The following RIF1 variants were observed in gnomAD, a reference collection of about 807,000 sequenced individuals.
The protein encoded by RIF1 is telomere-associated protein RIF1.
In RIF1, 45 loss-of-function variants were observed where a neutral mutation model predicts 247.1. The ratio of observed to expected loss-of-function variants is 0.18; its 90% confidence interval spans 0.14 to 0.23. The LOEUF (loss-of-function observed/expected upper bound fraction) is 0.23, where lower values mean the gene tolerates loss of function less well. Ranked by LOEUF, RIF1 falls within the 10% of genes least tolerant of loss-of-function variation. The probability of loss-of-function intolerance (pLI) is 1.00; values close to 1 mark genes in which losing one functional copy is unlikely to be tolerated. For missense variants in RIF1, 2,967 were observed against 2,862.5 expected (o/e 1.04, Z -0.83); for synonymous variants, 1,087 against 978.8 (o/e 1.11, Z -2.06).
Position 151,481,790 on chromosome 2 carries a change from T to C in RIF1, c.*6719T>C, listed in dbSNP as rs2049178536. On this transcript the variant is annotated 3_prime_UTR_variant, in exon 36 of 36. Transcript: ENST00000444746. Reference sequence around the variant, plus strand: ...ATTCTTACAGGAGCGTGAACCCTATTGTGAACTGCACATGCAAGAGATCTA... The same window carrying C: ...ATTCTTACAGGAGCGTGAACCCTATCGTGAACTGCACATGCAAGAGATCTA... 1 of 152,244 alleles carries C rather than the reference T, an allele frequency of 6.6e-6. No individual in the cohort carries two copies. The highest frequency in any genetic ancestry group is 1.9e-4 in the East Asian group (1 of 5,196). The allele number at this position is 152,244 out of a possible 1,614,324, so 9.4% of individuals were successfully genotyped here.
At chr2:151,421,819 A>G (rs1462444458) in intron 7 of RIF1, among the ~76,000 whole-genome samples, 2 of 151,870 alleles carry the variant, frequency 1.3e-5, no homozygotes, top group African/African-American at 4.8e-5. Flanking sequence ...GATGAATTCA[A>G]TTTTAGTGAC....
At position 151,465,820 on chromosome 2, in the gene RIF1, C is replaced by T. The variant is rs1383197246; in HGVS notation, c.6300C>T (p.Asn2100=). The change falls in exon 30 of 36, where the codon AAC becomes AAT. Residue 2100 remains asparagine, a synonymous_variant. Coordinates refer to ENST00000444746, the MANE Select transcript of RIF1 (RefSeq NM_018151.5). ...EYSKSEEKLD[N]NQMVMESDIL... is the part of the protein sequence containing the mutation. ...GTAAATCTGAAGAAAAATTAGATAACAATCAAATGGTAATGGAAAGTGATA... is the reference window on the plus strand; with the variant it reads ...GTAAATCTGAAGAAAAATTAGATAATAATCAAATGGTAATGGAAAGTGATA... The T allele has an allele frequency of 8.1e-6, 13 of 1,612,698 alleles. No individual in the cohort carries two copies. The highest frequency in any genetic ancestry group is 1.7e-5 in the Admixed American group (1 of 60,000).
intron 9 of RIF1, chr2:151,492,402 T>A (rs768912387): frequency 6.2e-7 from 1 of 1,605,794 alleles, no homozygotes; most frequent in Non-Finnish European, 8.5e-7. Context: ...AGATGTGCCG[T>A]TGGGTCTCCC....
the RIF1 span, among the ~76,000 whole-genome samples, chr2:151,517,856 G>A: frequency 6.6e-6 from 1 of 152,200 alleles, no homozygotes; most frequent in African/African-American, 2.4e-5. Context: ...CATACAGGTG[G>A]TCTGCTGTTG....
At chr2:151,452,461 CAAT>C (rs757909281) in intron 21 of RIF1, among the ~76,000 whole-genome samples, 19 of 152,124 alleles carry the variant, frequency 1.2e-4, no homozygotes, top group Non-Finnish European at 2.6e-4. Flanking sequence ...AATTATCTAA[CAAT>C]AAGATTTGCC....
In RIF1 at chr2:151,469,442, G is replaced by A. The variant is rs117913838; in HGVS notation, c.6942-269G>A. On this transcript the variant is annotated intron_variant, in intron 33 of 35. Transcript: ENST00000444746. ...TGATTAAAGTTGGGGAGGGGATTAT[G>A]TGTACTTAAGAATTATCTATTAATG... Among the ~76,000 whole-genome samples the A allele has an allele frequency of 6.6e-4, 101 of 152,252 alleles. 2 individuals are homozygous for A. The East Asian group carries it at 0.018, about 26-fold the overall frequency.
In RIF1 at chr2:151,476,598, T is replaced by G. The variant is rs1460371970; in HGVS notation, c.*1527T>G. 1 of 152,212 alleles carries G rather than the reference T, an allele frequency of 6.6e-6. No homozygotes were observed. The highest frequency in any genetic ancestry group is 1.5e-5 in the Non-Finnish European group (1 of 68,024). The allele number at this position is 152,212 out of a possible 1,614,324, so 9.4% of individuals were successfully genotyped here. ...AAGTTGGTGTCTTTTTTCATCATCA[T>G]AAATTCATCATAATCACAGATATTT... On this transcript the variant is annotated 3_prime_UTR_variant, in exon 36 of 36. Coordinates refer to ENST00000444746, the MANE Select transcript of RIF1 (RefSeq NM_018151.5).
the RIF1 span, among the ~76,000 whole-genome samples, chr2:151,513,400 A>G: frequency 1.3e-5 from 2 of 152,160 alleles, no homozygotes; most frequent in Non-Finnish European, 2.9e-5. Context: ...GGTAGACAGC[A>G]ATGAGCCTGG....
At position 151,464,949 on chromosome 2, in the gene RIF1, C is replaced by T. The variant is rs1479094040; in HGVS notation, c.5429C>T (p.Ser1810Leu). The change falls in exon 30 of 36, where the codon TCA becomes TTA. Residue 1810 changes from serine (S) to leucine (L), a missense_variant. Ser to Leu is a moderately radical substitution (Grantham distance 145). Coordinates refer to ENST00000444746, the MANE Select transcript of RIF1 (RefSeq NM_018151.5). ...LKEDNDTIND[S>L]LIVSETKSKE... Reference sequence around the variant, plus strand: ...GAGGATAATGATACTATTAATGATTCATTAATTGTTTCTGAAACCAAATCA... The same window carrying T: ...GAGGATAATGATACTATTAATGATTTATTAATTGTTTCTGAAACCAAATCA... 1.3e-6 allele frequency: 2 copies of T among 1,571,492 alleles called. No individual in the cohort carries two copies. The highest frequency in any genetic ancestry group is 1.7e-6 in the Non-Finnish European group (2 of 1,166,698).
chr2:151,467,064 A>C (rs1697030215), intron 30 of RIF1, among the ~76,000 whole-genome samples: 1 of 151,978 alleles, frequency 6.6e-6, no homozygotes, highest in African/African-American at 2.4e-5. Context: ...CCCCATCTCT[A>C]TTAAAAATAC....
At chr2:151,451,182 C>T (rs1302652793) in intron 20 of RIF1, among the ~76,000 whole-genome samples, 1 of 152,188 alleles carries the variant, frequency 6.6e-6, no homozygotes, top group Non-Finnish European at 1.5e-5. Context: ...GCTACATATC[C>T]TAAGCAGAAC....
At position 151,462,295 on chromosome 2, in the gene RIF1, T is replaced by A; in HGVS notation, c.3281T>A (p.Phe1094Tyr). Residue 1094 changes from phenylalanine to tyrosine, a missense_variant, in exon 28 of 36, where the codon TTT becomes TAT. Physicochemically the swap from Phe to Tyr is conservative, Grantham distance 22. This residue lies in a region of RIF1 where 2,028 missense variants were observed against 1,825.6 expected (regional missense o/e 1.11). Transcript: ENST00000444746. ...CTGGATGTTTCCCAAGATACCTTAT[T>A]TACTCAGTATAGTCAGGAAGAGCCT... ...NNLDVSQDTL[F>Y]TQYSQEEPME... 1 of 1,588,514 alleles carries A rather than the reference T, an allele frequency of 6.3e-7. No homozygotes were observed. Among genetic ancestry groups the A allele is most frequent in the East Asian group, 2.2e-5 (1 of 44,544 alleles).
intron 9 of RIF1, among the ~76,000 whole-genome samples, chr2:151,488,466 G>A (rs530237907): frequency 1.4e-5 from 2 of 147,812 alleles, no homozygotes; most frequent in African/African-American, 2.5e-5. Flanking sequence ...GGGCAACATA[G>A]TGAGCCTCTA....
chr2:151,423,746 T>G (rs1435255318), intron 8 of RIF1: 2 of 152,212 alleles, frequency 1.3e-5, no homozygotes, highest in African/African-American at 4.8e-5. Context: ...TGAGAGAGAA[T>G]CAACTGTATG....
At chr2:151,413,275 C>T (rs916263560) in intron 3 of RIF1, among the ~76,000 whole-genome samples, 4 of 151,988 alleles carry the variant, frequency 2.6e-5, no homozygotes, top group South Asian at 2.1e-4. Flanking sequence ...TCAGGTGATC[C>T]GCCCACCTTG....
intron 26 of RIF1, among the ~76,000 whole-genome samples, chr2:151,460,602 A>G (rs1695989878): frequency 6.6e-6 from 1 of 152,212 alleles, no homozygotes; most frequent in Non-Finnish European, 1.5e-5. Flanking sequence ...GACCTCCAGT[A>G]AAGGTTATTC....
chr2:151,449,748 A>AC (rs34519746), intron 20 of RIF1, among the ~76,000 whole-genome samples: 65,359 of 151,936 alleles, frequency 0.43, 14,042 homozygotes, highest in African/African-American at 0.46. Flanking sequence ...CTTTGTCTTT[A>AC]ATACATTGAA....
Position 151,498,255 on chromosome 2 carries a change from A to C in RIF1, c.*514-1090A>C, listed in dbSNP as rs932456139. On this transcript the variant is annotated intron_variant and NMD_transcript_variant, in intron 10 of 13. Coordinates refer to the RIF1 transcript ENST00000454583. ...GGCATTTTTTCCCCTTTCTTTCCAA[A>C]ATACCGAGCTAAGGTTTTCTTGATT... 3 of 1,551,224 alleles carry C rather than the reference A, an allele frequency of 1.9e-6. No homozygotes were observed. In the African/African-American group the frequency reaches 4.1e-5, roughly 21 times the overall value.
the RIF1 span, chr2:151,514,322 T>C: frequency 1.2e-6 from 2 of 1,606,168 alleles, no homozygotes; most frequent in Non-Finnish European, 1.7e-6. Context: ...GCCTACCTCA[T>C]TGAGGATTTG....
Sources: allele counts gnomAD v4.1 joint callset (sites outside exome capture counted in the v4.1 genomes callset), GRCh38; gene constraint gnomAD v4.1.1; regional missense constraint gnomAD v4.1.1; transcripts MANE v1.5; gene names NCBI Gene and HGNC (gene_info 2026-07-23, HGNC 2026-07-21).